Variants in PRKCE observed in about 807,000 individuals in gnomAD.
PRKCE encodes protein kinase C epsilon type.
Under a neutral mutation model 85.4 loss-of-function variants are expected in PRKCE, and 16 were observed. That is an observed-to-expected ratio of 0.19 (90% CI 0.13 to 0.28). The LOEUF (loss-of-function observed/expected upper bound fraction) is 0.28. Ranked by LOEUF, PRKCE falls within the 10% of genes least tolerant of loss-of-function variation. PRKCE has a pLI of 1.00. For missense variants in PRKCE, 573 were observed against 975.2 expected, an observed-to-expected ratio of 0.59 and a Z score of 5.49; for synonymous variants, 388 against 371.5, an observed-to-expected ratio of 1.04 and a Z score of -0.51.
rs1033555286 is a variant in PRKCE at position 45,697,467 on chromosome 2, C to G, written c.348+45019C>G. Among the ~76,000 whole-genome samples, 1 of 152,126 alleles carries G rather than the reference C, an allele frequency of 6.6e-6. No individual in the cohort carries two copies. The highest frequency in any genetic ancestry group is 2.4e-5 in the African/African-American group (1 of 41,414). ...ATAAGGACTAACAAACAAAACCAAACCAGAGTGGAAATGGCAACCCGAGGC... is the reference window on the plus strand; with the variant it reads ...ATAAGGACTAACAAACAAAACCAAAGCAGAGTGGAAATGGCAACCCGAGGC... On this transcript the variant is annotated intron_variant, in intron 1 of 14. Coordinates refer to ENST00000306156, the MANE Select transcript of PRKCE (RefSeq NM_005400.3). The surrounding 1 kb of genome is among the most constrained non-coding windows in gnomAD (Gnocchi z 4.2).
At chr2:45,668,355 A>G (rs1179251494) in intron 1 of PRKCE, among the ~76,000 whole-genome samples, 1 of 152,166 alleles carries the variant, frequency 6.6e-6, no homozygotes, top group East Asian at 1.9e-4. Flanking sequence ...ACACACAAAA[A>G]TGTTTGCTAT....
At chr2:45,654,399 ATC>A (rs1309923237) in intron 1 of PRKCE, among the ~76,000 whole-genome samples, 1 of 152,252 alleles carries the variant, frequency 6.6e-6, no homozygotes, top group Non-Finnish European at 1.5e-5. Flanking sequence ...AGGCCAGATC[ATC>A]TAGTGCACAG....
intron 1 of PRKCE, among the ~76,000 whole-genome samples, chr2:45,723,729 T>C (rs113303701): frequency 0.091 from 13,852 of 152,190 alleles, 899 homozygotes; most frequent in Admixed American, 0.15. Context: ...CTCAGCGTCC[T>C]GAATAGCTGG....
intron 1 of PRKCE, among the ~76,000 whole-genome samples, chr2:45,681,812 G>T (rs924074792): frequency 6.6e-6 from 1 of 152,286 alleles, no homozygotes; most frequent in East Asian, 1.9e-4. Flanking sequence ...AGCCTGGCTT[G>T]GTGCTCACTA....
chr2:45,972,393 T>C (rs1015714138), intron 2 of PRKCE, among the ~76,000 whole-genome samples: 1 of 152,236 alleles, frequency 6.6e-6, no homozygotes. Flanking sequence ...AGTTTGCAAA[T>C]GATTTTTTTC....
intron 1 of PRKCE, among the ~76,000 whole-genome samples, chr2:45,683,763 C>T (rs1677081085): frequency 1.3e-5 from 2 of 152,194 alleles, no homozygotes; most frequent in Non-Finnish European, 2.9e-5. Flanking sequence ...CGGTCCCAGG[C>T]AGTCTTGTGT....
chr2:46,026,069 G>A (rs1019177383), intron 10 of PRKCE, among the ~76,000 whole-genome samples: 7 of 152,208 alleles, frequency 4.6e-5, no homozygotes, highest in Non-Finnish European at 7.3e-5. Context: ...GAGGGATTCT[G>A]TTTAGCTCTT....
At chr2:45,770,207 T>A (rs1685205431) in intron 1 of PRKCE, among the ~76,000 whole-genome samples, 1 of 152,166 alleles carries the variant, frequency 6.6e-6, no homozygotes, top group African/African-American at 2.4e-5. Context: ...TCCCCTCCTG[T>A]CCGGGGAGTT....
chr2:45,710,403 C>T (rs1207562959), intron 1 of PRKCE, among the ~76,000 whole-genome samples: 1 of 152,252 alleles, frequency 6.6e-6, no homozygotes, highest in Non-Finnish European at 1.5e-5. Context: ...AAAGTCCATA[C>T]ATCCTCCAGA....
In PRKCE at chr2:46,159,228, G is replaced by A. The variant is rs1359595192; in HGVS notation, c.1921-378G>A. On this transcript the variant is annotated intron_variant, in intron 13 of 14. Coordinates refer to ENST00000306156, the MANE Select transcript of PRKCE (RefSeq NM_005400.3). This position sits in a 1 kb window ranked among gnomAD's most constrained non-coding sequence, Gnocchi z 4.1. ...CTGATGAGAAGACCTGAGAATCTGA[G>A]GGGGATCACAGAGTCAGTAAGAGCC... Among the ~76,000 whole-genome samples, 1 of 152,170 alleles carries A rather than the reference G, an allele frequency of 6.6e-6. No individual in the cohort carries two copies. The highest frequency in any genetic ancestry group is 1.5e-5 in the Non-Finnish European group (1 of 68,034).
chr2:46,095,898 G>A (rs1442023130), intron 11 of PRKCE, among the ~76,000 whole-genome samples: 1 of 152,254 alleles, frequency 6.6e-6, no homozygotes, highest in African/African-American at 2.4e-5. Context: ...TGTGTAGCCA[G>A]ACACTATTCT....
At chr2:45,784,502 G>A (rs1049926718) in intron 1 of PRKCE, among the ~76,000 whole-genome samples, 4 of 152,166 alleles carry the variant, frequency 2.6e-5, no homozygotes, top group Admixed American at 6.5e-5. Context: ...TTGCAAAGTC[G>A]GAATCCAATT....
chr2:45,799,578 A>AT (rs1433903721), intron 1 of PRKCE, among the ~76,000 whole-genome samples: 2 of 152,224 alleles, frequency 1.3e-5, no homozygotes, highest in Middle Eastern at 3.2e-3. Context: ...AGAAAAGAAT[A>AT]TTTTTTAAAA....
At chr2:45,794,079 A>G (rs536166997) in intron 1 of PRKCE, among the ~76,000 whole-genome samples, 9 of 152,346 alleles carry the variant, frequency 5.9e-5, no homozygotes, top group African/African-American at 2.2e-4. Flanking sequence ...GACCCCAGCT[A>G]GAGAAGCAGG....
intron 10 of PRKCE, among the ~76,000 whole-genome samples, chr2:46,077,167 GCACACA>G (rs68042105): frequency 1.3e-4 from 20 of 150,094 alleles, no homozygotes; most frequent in South Asian, 1.1e-3. Context: ...TCTTTCTCGT[GCACACA>G]CACACACACA....
At chr2:45,884,991 A>ATTTTTTTTTTTT (rs1323692604) in intron 2 of PRKCE, among the ~76,000 whole-genome samples, 1 of 57,732 alleles carries the variant, frequency 1.7e-5, no homozygotes, top group Admixed American at 2.3e-4. Flanking sequence ...ATATATATAT[A>ATTTTTTTTTTTT]TATATATATA....
chr2:45,967,304 A>G (rs148694283), intron 2 of PRKCE, among the ~76,000 whole-genome samples: 1 of 152,188 alleles, frequency 6.6e-6, no homozygotes, highest in Admixed American at 6.5e-5. Flanking sequence ...AACAATCACC[A>G]TCTGAACCCA....
rs533865158 is a variant in PRKCE at position 46,079,010 on chromosome 2, C to T, written c.1438-7198C>T. On this transcript the variant is annotated intron_variant, in intron 10 of 14. Coordinates refer to ENST00000306156, the MANE Select transcript of PRKCE (RefSeq NM_005400.3). Reference sequence around the variant, plus strand: ...TGGCCAACATGGTGAAACCGCATCTCTACTAAAAATACAAAAATTAGCAAG... The same window carrying T: ...TGGCCAACATGGTGAAACCGCATCTTTACTAAAAATACAAAAATTAGCAAG... Among the ~76,000 whole-genome samples the T allele has an allele frequency of 7.9e-5, 12 of 152,118 alleles. No homozygotes were observed. The South Asian group carries it at 2.3e-3, about 29-fold the overall frequency.
At chr2:45,740,312 T>C (rs571612842) in intron 1 of PRKCE, among the ~76,000 whole-genome samples, 14 of 152,128 alleles carry the variant, frequency 9.2e-5, no homozygotes, top group Non-Finnish European at 1.8e-4. Context: ...AATGTGGGAA[T>C]CTGGGATGGA....
Sources: gnomAD v4.1 joint callset for allele counts (sites outside exome capture counted in the v4.1 genomes callset) on GRCh38, gnomAD v4.1.1 for gene constraint, Gnocchi (gnomAD v3.1) non-coding constraint, MANE v1.5 for transcripts, NCBI Gene and HGNC (gene_info 2026-07-23, HGNC 2026-07-21) for gene names.